NPAS3: variants seen among roughly 807,000 people sequenced by gnomAD.
The protein encoded by NPAS3 is neuronal PAS domain protein 3, also known as neuronal PAS domain-containing protein 3.
NPAS3 carries 14 observed loss-of-function variants against 73.1 expected under a neutral mutation model. The ratio of observed to expected loss-of-function variants is 0.19; its 90% CI spans 0.13 to 0.30. The LOEUF is 0.30. NPAS3 is among the 10% of genes least tolerant of loss of function. NPAS3 has a pLI of 1.00. For synonymous variants in NPAS3, 620 were observed against 541.5 expected, an observed-to-expected ratio of 1.14 and a Z score of -2.01; for missense variants, 1,096 against 1,250.0, an observed-to-expected ratio of 0.88 and a Z score of 1.86.
chr14:32,985,041 A>G (rs999085747), intron 1 of NPAS3, among the ~76,000 whole-genome samples: 1 of 152,208 alleles, frequency 6.6e-6, no homozygotes, highest in African/African-American at 2.4e-5. Context: ...GCCAAATTAT[A>G]TGTATTCTTT....
chr14:33,430,696 G>A (rs1180930935), intron 4 of NPAS3, among the ~76,000 whole-genome samples: 2 of 152,204 alleles, frequency 1.3e-5, no homozygotes, highest in Non-Finnish European at 2.9e-5. Flanking sequence ...AGTGCCCAGG[G>A]AAGGTTGTAG....
At chr14:33,283,533 G>A (rs1454945184) in intron 3 of NPAS3, among the ~76,000 whole-genome samples, 1 of 152,106 alleles carries the variant, frequency 6.6e-6, no homozygotes, top group Non-Finnish European at 1.5e-5. Context: ...CAAGTCTCAC[G>A]GAGGCATAGG....
chr14:32,998,423 G>A (rs1465245273), intron 1 of NPAS3, among the ~76,000 whole-genome samples: 1 of 152,012 alleles, frequency 6.6e-6, no homozygotes, highest in Non-Finnish European at 1.5e-5. Context: ...TTTTTTTTGG[G>A]GTGATGAAAC....
chr14:33,191,794 G>A (rs2046179736), intron 2 of NPAS3, among the ~76,000 whole-genome samples: 1 of 152,174 alleles, frequency 6.6e-6, no homozygotes, highest in Admixed American at 6.5e-5. Context: ...TATGAGAGTG[G>A]CAGATGGCCA....
intron 4 of NPAS3, among the ~76,000 whole-genome samples, chr14:33,545,060 T>G (rs1401096161): frequency 1.3e-5 from 2 of 151,716 alleles, no homozygotes; most frequent in East Asian, 1.9e-4. Context: ...CTCTTTCCAT[T>G]AATTTCTGCA....
rs544829833 is a variant in NPAS3 at position 32,965,882 on chromosome 14, A to G, written c.50+26516A>G. On this transcript the variant is annotated intron_variant, in intron 1 of 11. Coordinates refer to ENST00000356141, the Ensembl canonical transcript of NPAS3. ...AGTAAAATTGCAGGATATAAAATCA[A>G]TATACAAAAAATTAGTGGTGGTTCT... 3.3e-5 allele frequency among the ~76,000 whole-genome samples: 5 copies of G among 152,334 alleles called. No individual in the cohort carries two copies. In the East Asian group the frequency reaches 9.6e-4, roughly 29 times the overall value.
intron 2 of NPAS3, chr14:33,214,185 T>C (rs937801928): frequency 2.8e-4 from 43 of 152,190 alleles, no homozygotes; most frequent in African/African-American, 1.0e-3. Flanking sequence ...ATCATTGTGG[T>C]CTGATTTTTA....
chr14:33,071,334 A>G (rs866096861), intron 2 of NPAS3, among the ~76,000 whole-genome samples: 1 of 152,242 alleles, frequency 6.6e-6, no homozygotes. Context: ...AAAGGCACAG[A>G]TAAAACATGA....
intron 4 of NPAS3, among the ~76,000 whole-genome samples, chr14:33,409,213 C>T (rs531156067): frequency 3.9e-4 from 60 of 152,240 alleles, no homozygotes; most frequent in African/African-American, 1.4e-3. Flanking sequence ...AGCAGCCCCA[C>T]TGGGGGGTTC....
At chr14:33,697,217 T>C (rs568729298) in intron 6 of NPAS3, among the ~76,000 whole-genome samples, 1 of 152,320 alleles carries the variant, frequency 6.6e-6, no homozygotes, top group African/African-American at 2.4e-5. Context: ...TTCTGAGCTA[T>C]CTTTGGCATC....
intron 3 of NPAS3, among the ~76,000 whole-genome samples, chr14:33,288,891 C>T (rs1005496768): frequency 2.6e-5 from 4 of 152,076 alleles, no homozygotes; most frequent in Non-Finnish European, 5.9e-5. Context: ...AATGAACCAA[C>T]GTTGGGGAGT....
At chr14:33,581,827 G>A (rs2056675169) in intron 5 of NPAS3, among the ~76,000 whole-genome samples, 1 of 152,172 alleles carries the variant, frequency 6.6e-6, no homozygotes, top group African/African-American at 2.4e-5. Flanking sequence ...ACCTGCCTCA[G>A]CCTTCCAAAG....
intron 2 of NPAS3, among the ~76,000 whole-genome samples, chr14:33,158,570 G>A (rs2044732338): frequency 6.6e-6 from 1 of 152,144 alleles, no homozygotes; most frequent in Admixed American, 6.5e-5. Flanking sequence ...AATGGTGTAG[G>A]CACAATAATT....
intron 1 of NPAS3, among the ~76,000 whole-genome samples, chr14:33,000,113 A>G (rs188719192): frequency 1.2e-3 from 189 of 152,342 alleles, no homozygotes; most frequent in African/African-American, 4.3e-3. Context: ...GTTGCTGGCA[A>G]CAGGATTTAA....
At chr14:33,553,944 T>G (rs1359992742) in intron 4 of NPAS3, among the ~76,000 whole-genome samples, 1 of 152,164 alleles carries the variant, frequency 6.6e-6, no homozygotes, top group Non-Finnish European at 1.5e-5. Context: ...CCTGAGTGCA[T>G]TCGGAGGGCA....
intron 4 of NPAS3, among the ~76,000 whole-genome samples, chr14:33,431,357 A>G (rs1023269263): frequency 6.6e-6 from 1 of 152,232 alleles, no homozygotes; most frequent in South Asian, 2.1e-4. Context: ...ATGTATTCAT[A>G]TAAGTTGTTT....
chr14:33,446,593 C>T (rs1047545630), intron 4 of NPAS3, among the ~76,000 whole-genome samples: 6 of 152,210 alleles, frequency 3.9e-5, no homozygotes, highest in African/African-American at 1.2e-4. Flanking sequence ...AACTTGTTAG[C>T]AGTCTCAGCA....
intron 5 of NPAS3, among the ~76,000 whole-genome samples, chr14:33,665,464 A>G (rs1595391072): frequency 6.6e-6 from 1 of 152,274 alleles, no homozygotes; most frequent in South Asian, 2.1e-4. Flanking sequence ...AAAACAAAAC[A>G]AAACAGGATG....
intron 3 of NPAS3, among the ~76,000 whole-genome samples, chr14:33,331,519 T>C (rs1306995255): frequency 6.6e-6 from 1 of 151,788 alleles, no homozygotes; most frequent in Non-Finnish European, 1.5e-5. Flanking sequence ...TTTTGAGGGC[T>C]TTTTTTTCCT....
Sources: allele counts gnomAD v4.1 joint callset (sites outside exome capture counted in the v4.1 genomes callset), GRCh38; gene constraint gnomAD v4.1.1; transcripts MANE v1.5; gene names NCBI Gene and HGNC (gene_info 2026-07-23, HGNC 2026-07-21).